The following ZFP1 variants were observed in gnomAD, a reference collection of about 807,000 sequenced individuals.
ZFP1 encodes the protein zinc finger protein 1 homolog.
A neutral mutation model predicts 38.5 loss-of-function variants in ZFP1; 32 were observed. That is an observed-to-expected ratio of 0.83 (90% confidence interval 0.63 to 1.12). ZFP1 has a LOEUF of 1.12. Ranked by LOEUF, ZFP1 falls within the 50% of genes most tolerant of loss-of-function variation. The pLI is 0.00. For synonymous variants in ZFP1, 245 were observed against 168.8 expected (o/e 1.45, Z -3.50); for missense variants, 616 against 480.8 (o/e 1.28, Z -2.63).
rs111314056 is a variant in ZFP1, at chr16:75,166,163, T to A, written c.16-607T>A. On this transcript the variant is annotated intron_variant, in intron 2 of 3. Coordinates refer to ENST00000570010, the MANE Select transcript of ZFP1 (RefSeq NM_153688.4). Reference sequence around the variant, plus strand: ...CGATGTCACAGAAATAATGCCTATGTGAGCTTTATTAGCACACTGGTAACA... The same window carrying A: ...CGATGTCACAGAAATAATGCCTATGAGAGCTTTATTAGCACACTGGTAACA... Among the ~76,000 whole-genome samples the A allele has an allele frequency of 2.0e-4, 30 of 152,316 alleles. No individual in the cohort carries two copies. In the South Asian group the frequency reaches 3.5e-3, roughly 18 times the overall value.
chr16:75,147,963 G>A (rs1198869776), upstream of ZFP1, among the ~76,000 whole-genome samples: 1 of 152,132 alleles, frequency 6.6e-6, no homozygotes, highest in African/African-American at 2.4e-5. Context: ...TAATTAGCTT[G>A]ATTATGGTGA....
intron 2 of ZFP1, 96 bp from the exon 3 acceptor site, chr16:75,166,674 A>T: frequency 6.3e-7 from 1 of 1,598,914 alleles, no homozygotes; most frequent in South Asian, 1.1e-5. Context: ...TTGGTGTAAT[A>T]TATAGATTTT....
chr16:75,140,135 G>A, the ZFP1 span, among the ~76,000 whole-genome samples: 1 of 152,116 alleles, frequency 6.6e-6, no homozygotes, highest in African/African-American at 2.4e-5. Flanking sequence ...GGGCGTGGTG[G>A]TGCACTCCTG....
chr16:75,122,383 A>C, the ZFP1 span, among the ~76,000 whole-genome samples: 8 of 152,234 alleles, frequency 5.3e-5, no homozygotes, highest in Non-Finnish European at 1.2e-4. Context: ...AGGACAGAGT[A>C]GGTGACCAAG....
intron 1 of ZFP1, among the ~76,000 whole-genome samples, chr16:75,152,019 C>G (rs1443826385): frequency 6.6e-6 from 1 of 152,126 alleles, no homozygotes; most frequent in East Asian, 1.9e-4. Context: ...AAAGCACTTT[C>G]AGGATGTCAC....
chr16:75,161,980 T>C (rs1051347763), intron 2 of ZFP1, among the ~76,000 whole-genome samples: 11 of 150,192 alleles, frequency 7.3e-5, no homozygotes, highest in Non-Finnish European at 1.6e-4. Flanking sequence ...AGAAAGGGTT[T>C]CCCCATGTTG....
rs772168143 is a variant in ZFP1, at chr16:75,169,376, C to T, written c.266C>T (p.Ala89Val). 2.5e-6 allele frequency: 4 copies of T among 1,614,168 alleles called. No individual in the cohort carries two copies. Among genetic ancestry groups the T allele is most frequent in the Non-Finnish European group, 3.4e-6 (4 of 1,180,016 alleles). The change falls in exon 4 of 4, where the codon GCA becomes GTA. Residue 89 changes from alanine (A) to valine (V), a missense_variant. By Grantham distance (64) the Ala-to-Val change is moderately conservative. Coordinates refer to ENST00000570010, the MANE Select transcript of ZFP1 (RefSeq NM_153688.4). ...IEERGDLFGK[A>V]LNLNTDFVSL... The stretch of plus-strand genomic sequence containing the variant: ...GAAAGAGGCGATCTCTTTGGAAAAG[C>T]ACTTAATCTGAACACAGACTTTGTT...
the ZFP1 span, among the ~76,000 whole-genome samples, chr16:75,138,725 G>A: frequency 2.0e-5 from 3 of 152,342 alleles, no homozygotes; most frequent in South Asian, 2.1e-4. Context: ...AGAGCCAGCC[G>A]CAGCAGCGAG....
the ZFP1 span, among the ~76,000 whole-genome samples, chr16:75,124,791 A>AC: frequency 6.8e-6 from 1 of 148,148 alleles, no homozygotes; most frequent in African/African-American, 2.5e-5. Flanking sequence ...CATCTCAAAA[A>AC]AAAAAAAAAA....
chr16:75,164,930 T>G (rs1460261995), intron 2 of ZFP1, among the ~76,000 whole-genome samples: 3 of 152,046 alleles, frequency 2.0e-5, no homozygotes, highest in Non-Finnish European at 2.9e-5. Context: ...CTCAGCCTCC[T>G]GAGTAGCTGG....
At chr16:75,153,500 T>C (rs1224594506) in intron 2 of ZFP1, among the ~76,000 whole-genome samples, 2 of 152,242 alleles carry the variant, frequency 1.3e-5, no homozygotes, top group Non-Finnish European at 2.9e-5. Flanking sequence ...GATAGCATGT[T>C]AATCATACTG....
chr16:75,159,590 T>A (rs1301338111), intron 2 of ZFP1, among the ~76,000 whole-genome samples: 1 of 149,902 alleles, frequency 6.7e-6, no homozygotes, highest in East Asian at 2.0e-4. Context: ...GTACTTTTTT[T>A]AGACAGGGTT....
intron 1 of ZFP1, among the ~76,000 whole-genome samples, chr16:75,152,706 C>T (rs143923471): frequency 3.9e-5 from 6 of 152,254 alleles, no homozygotes; most frequent in African/African-American, 1.4e-4. Context: ...TTAGTCTTGC[C>T]TTTATGGGTG....
chr16:75,124,730 C>T, the ZFP1 span, among the ~76,000 whole-genome samples: 27 of 137,802 alleles, frequency 2.0e-4, no homozygotes, highest in African/African-American at 5.7e-4. Flanking sequence ...GAGCTTGCGG[C>T]GAGCTGAGAT....
intron 2 of ZFP1, among the ~76,000 whole-genome samples, chr16:75,155,801 G>T (rs908424933): frequency 2.6e-5 from 4 of 152,098 alleles, no homozygotes; most frequent in Non-Finnish European, 4.4e-5. Flanking sequence ...TATTCTTAAT[G>T]TAATATTCAG....
chr16:75,131,010 A>G, the ZFP1 span, among the ~76,000 whole-genome samples: 1 of 151,766 alleles, frequency 6.6e-6, no homozygotes, highest in Non-Finnish European at 1.5e-5. Context: ...CATCTTTCCT[A>G]TATCCCGCTT....
chr16:75,138,780 G>T, the ZFP1 span, among the ~76,000 whole-genome samples: 1 of 152,200 alleles, frequency 6.6e-6, no homozygotes, highest in Non-Finnish European at 1.5e-5. Flanking sequence ...GCTGCCCCCT[G>T]CGGCTTTCAG....
the ZFP1 span, among the ~76,000 whole-genome samples, chr16:75,137,581 A>G: frequency 7.8e-6 from 1 of 128,908 alleles, no homozygotes. Context: ...CTGCCTCCTC[A>G]GTCTCCTGAG....
At chr16:75,140,039 T>A in the ZFP1 span, among the ~76,000 whole-genome samples, 1 of 151,716 alleles carries the variant, frequency 6.6e-6, no homozygotes, top group African/African-American at 2.4e-5. Context: ...GAAGCCAAGG[T>A]GGGAGGATCA....
Sources: allele counts gnomAD v4.1 joint callset (sites outside exome capture counted in the v4.1 genomes callset), GRCh38; gene constraint gnomAD v4.1.1; transcripts MANE v1.5; gene names NCBI Gene and HGNC (gene_info 2026-07-23, HGNC 2026-07-21).